DLGAP1: variants seen among roughly 807,000 people sequenced by gnomAD.
DLGAP1 encodes disks large-associated protein 1.
A neutral mutation model predicts 90.8 loss-of-function variants in DLGAP1; 11 were observed. The observed-to-expected ratio is 0.12, with a 90% CI of 0.08 to 0.20. The LOEUF (loss-of-function observed/expected upper bound fraction) is 0.20, where lower values mean the gene tolerates loss of function less well. Among genes scored for constraint, DLGAP1 ranks in the 10% least tolerant of loss-of-function variants. The pLI is 1.00. For missense variants in DLGAP1, 1,050 were observed against 1,333.8 expected, an observed-to-expected ratio of 0.79 and a Z score of 3.31; for synonymous variants, 558 against 540.7, an observed-to-expected ratio of 1.03 and a Z score of -0.44.
intron 1 of DLGAP1, among the ~76,000 whole-genome samples, chr18:4,187,160 T>G (rs544059663): frequency 2.6e-4 from 39 of 152,318 alleles, no homozygotes; most frequent in African/African-American, 9.1e-4. Context: ...GGGTCAAAAG[T>G]ATGAAGTTTT....
At chr18:4,363,502 C>T (rs2081678697) in intron 1 of DLGAP1, among the ~76,000 whole-genome samples, 1 of 152,140 alleles carries the variant, frequency 6.6e-6, no homozygotes, top group African/African-American at 2.4e-5. Context: ...TCGCAACCTA[C>T]TCATCTGACA....
chr18:3,835,541 TG>T (rs896889726), intron 4 of DLGAP1, among the ~76,000 whole-genome samples: 9 of 150,296 alleles, frequency 6.0e-5, no homozygotes, highest in African/African-American at 2.2e-4. Context: ...TCCAGCTACT[TG>T]GGAGGCTGAG....
At chr18:4,261,235 G>A (rs2078996482) in intron 1 of DLGAP1, among the ~76,000 whole-genome samples, 1 of 152,116 alleles carries the variant, frequency 6.6e-6, no homozygotes, top group African/African-American at 2.4e-5. Flanking sequence ...AATGAAAACA[G>A]GGTAGCCGTC....
intron 1 of DLGAP1, among the ~76,000 whole-genome samples, chr18:4,322,386 T>G (rs1471928126): frequency 1.3e-5 from 2 of 152,030 alleles, no homozygotes; most frequent in African/African-American, 4.8e-5. Context: ...GAATACATAA[T>G]GAAAAAAGGT....
intron 7 of DLGAP1, among the ~76,000 whole-genome samples, chr18:3,600,488 G>A (rs1035341767): frequency 6.6e-6 from 1 of 151,688 alleles, no homozygotes; most frequent in African/African-American, 2.4e-5. Flanking sequence ...CACCTGCCTC[G>A]GCCTCCCAAA....
At chr18:4,320,512 G>A (rs182520760) in intron 1 of DLGAP1, among the ~76,000 whole-genome samples, 37 of 152,288 alleles carry the variant, frequency 2.4e-4, no homozygotes, top group Non-Finnish European at 1.9e-4. Flanking sequence ...TAGCAAAACT[G>A]AGTGGGAGGC....
At chr18:3,700,255 G>C (rs2061236461) in intron 7 of DLGAP1, among the ~76,000 whole-genome samples, 1 of 152,172 alleles carries the variant, frequency 6.6e-6, no homozygotes, top group South Asian at 2.1e-4. Flanking sequence ...TGGTGGTGTA[G>C]GCACCCAAGG....
At chr18:4,042,062 T>C (rs1009220934) in intron 2 of DLGAP1, among the ~76,000 whole-genome samples, 3 of 152,216 alleles carry the variant, frequency 2.0e-5, no homozygotes, top group Non-Finnish European at 4.4e-5. Flanking sequence ...AAGAATTGTG[T>C]GTTCCTTTAA....
At chr18:4,421,109 G>C (rs1189679787) in intron 1 of DLGAP1, among the ~76,000 whole-genome samples, 1 of 152,174 alleles carries the variant, frequency 6.6e-6, no homozygotes, top group African/African-American at 2.4e-5. Context: ...ATAACAGAAA[G>C]TTATACTCTC....
At chr18:3,506,825 A>G (rs374506817) in intron 11 of DLGAP1, among the ~76,000 whole-genome samples, 44 of 152,340 alleles carry the variant, frequency 2.9e-4, no homozygotes, top group African/African-American at 9.9e-4. Context: ...GTGACACATT[A>G]GCAAGTTTGC....
intron 1 of DLGAP1, among the ~76,000 whole-genome samples, chr18:4,322,012 C>T (rs970092229): frequency 1.3e-5 from 2 of 152,016 alleles, no homozygotes; most frequent in African/African-American, 4.8e-5. Context: ...CCAGCCTGGT[C>T]AACGTGGTGA....
At chr18:3,809,875 A>T (rs1440855522) in intron 5 of DLGAP1, among the ~76,000 whole-genome samples, 1 of 152,196 alleles carries the variant, frequency 6.6e-6, no homozygotes, top group African/African-American at 2.4e-5. Context: ...CAGTAGTCTC[A>T]GTTCTAGAAT....
intron 10 of DLGAP1, among the ~76,000 whole-genome samples, chr18:3,523,579 G>A (rs1414743258): frequency 6.6e-6 from 1 of 151,814 alleles, no homozygotes; most frequent in Non-Finnish European, 1.5e-5. Flanking sequence ...CAGGTGCGGT[G>A]GCTCACGCCT....
At chr18:4,039,657 G>C (rs757958893) in intron 2 of DLGAP1, among the ~76,000 whole-genome samples, 9 of 152,074 alleles carry the variant, frequency 5.9e-5, no homozygotes, top group Non-Finnish European at 1.2e-4. Context: ...AGTAAGCATG[G>C]GTTAATCTTT....
In DLGAP1 at chr18:3,586,464, T is replaced by C. The variant is rs55873386; in HGVS notation, c.1592-4216A>G. 2.4e-3 allele frequency among the ~76,000 whole-genome samples: 360 copies of C among 152,024 alleles called. 2 individuals are homozygous for C. Among genetic ancestry groups the C allele is most frequent in the Middle Eastern group, 0.014 (4 of 294 alleles). On this transcript the variant is annotated intron_variant, in intron 7 of 12. Transcript: ENST00000315677. ...ACTGTCCAGTCATGGGCTAGGAAGGTAAAAGGAATTCAAATCTTCATGACT... is the reference window on the plus strand; with the variant it reads ...ACTGTCCAGTCATGGGCTAGGAAGGCAAAAGGAATTCAAATCTTCATGACT...
chr18:3,624,067 G>A (rs2058203873), intron 7 of DLGAP1, among the ~76,000 whole-genome samples: 1 of 152,164 alleles, frequency 6.6e-6, no homozygotes, highest in African/African-American at 2.4e-5. Flanking sequence ...CTGGGTGAGT[G>A]ACAGCATTTG....
At chr18:4,360,908 A>C (rs949487263) in intron 1 of DLGAP1, among the ~76,000 whole-genome samples, 3 of 152,164 alleles carry the variant, frequency 2.0e-5, no homozygotes, top group Non-Finnish European at 4.4e-5. Context: ...TGAACCCAAC[A>C]GGCAGCCATT....
chr18:4,298,887 C>T (rs62088068), intron 1 of DLGAP1, among the ~76,000 whole-genome samples: 3,355 of 151,984 alleles, frequency 0.022, 46 homozygotes, highest in East Asian at 0.038. Context: ...CGAAACTATC[C>T]GGGCCAACAT....
Position 3,729,708 on chromosome 18 carries a change from C to T in DLGAP1, c.1351-333G>A, listed in dbSNP as rs547684194. 2.6e-5 allele frequency among the ~76,000 whole-genome samples: 4 copies of T among 152,208 alleles called. No homozygotes were observed. In the South Asian group the frequency reaches 8.3e-4, roughly 32 times the overall value. ...ACAGGCATGAGCTACCACCACCAGC[C>T]GTGATTACATTTTAAAGAAAAAAGG... On this transcript the variant is annotated intron_variant, in intron 6 of 12. Coordinates refer to ENST00000315677, the MANE Select transcript of DLGAP1 (RefSeq NM_004746.4). The surrounding 1 kb of genome is among the most constrained non-coding windows in gnomAD (Gnocchi z 6.2).
Sources: gnomAD v4.1 joint callset for allele counts (sites outside exome capture counted in the v4.1 genomes callset) on GRCh38, gnomAD v4.1.1 for gene constraint, Gnocchi (gnomAD v3.1) non-coding constraint, MANE v1.5 for transcripts, NCBI Gene and HGNC (gene_info 2026-07-23, HGNC 2026-07-21) for gene names.